ATP8B4: variants seen among roughly 807,000 people sequenced by gnomAD.
ATP8B4 encodes probable phospholipid-transporting ATPase IM.
ATP8B4 carries 133 observed loss-of-function variants against 145.6 expected under a neutral mutation model. The observed-to-expected ratio is 0.91, with a 90% CI of 0.79 to 1.05. The LOEUF (loss-of-function observed/expected upper bound fraction) is 1.05. Ranked by LOEUF, ATP8B4 falls within the 50% of genes least tolerant of loss-of-function variation. ATP8B4 has a pLI of 0.00. For missense variants in ATP8B4, 1,458 were observed against 1,425.2 expected, an observed-to-expected ratio of 1.02 and a Z score of -0.37; for synonymous variants, 507 against 492.9, an observed-to-expected ratio of 1.03 and a Z score of -0.38.
chr15:50,032,013 G>C (rs190955145), intron 6 of ATP8B4, among the ~76,000 whole-genome samples: 3 of 152,128 alleles, frequency 2.0e-5, no homozygotes, highest in East Asian at 1.9e-4. Context: ...TATACTTTTT[G>C]ATTCAACAAA....
At chr15:50,148,751 C>T (rs967740553) in intron 1 of ATP8B4, among the ~76,000 whole-genome samples, 10 of 151,948 alleles carry the variant, frequency 6.6e-5, no homozygotes, top group East Asian at 1.9e-4. Context: ...TGAAGTAATT[C>T]GAAAACTGAA....
At chr15:50,119,274 A>T (rs1413941334), upstream of ATP8B4, 1 of 152,248 alleles carries the variant, frequency 6.6e-6, no homozygotes, top group African/African-American at 2.4e-5. Context: ...CTGGGTCTCT[A>T]GGGGGCATTC....
At chr15:50,046,291 CT>C (rs1376216695) in intron 4 of ATP8B4, among the ~76,000 whole-genome samples, 1 of 152,162 alleles carries the variant, frequency 6.6e-6, no homozygotes, top group Non-Finnish European at 1.5e-5. Flanking sequence ...CTCTCTCCCC[CT>C]CCCCCTCTCT....
intron 20 of ATP8B4, chr15:49,901,827 G>A: frequency 2.3e-6 from 1 of 426,714 alleles, no homozygotes; most frequent in South Asian, 1.7e-5. Context: ...AACATTTTAA[G>A]CAAAAATTGT....
intron 3 of ATP8B4, among the ~76,000 whole-genome samples, chr15:50,049,714 G>A (rs563573914): frequency 6.6e-6 from 1 of 152,258 alleles, no homozygotes; most frequent in South Asian, 2.1e-4. Flanking sequence ...TAGGTTCTTT[G>A]AGGAATTGCC....
At chr15:50,044,052 G>A (rs961798279) in intron 5 of ATP8B4, among the ~76,000 whole-genome samples, 2 of 152,024 alleles carry the variant, frequency 1.3e-5, no homozygotes. Flanking sequence ...AAGGCTTCTG[G>A]CCAACAATAG....
rs972732517 is a variant in ATP8B4 at position 49,864,908 on chromosome 15, C to T, written c.3166+1438G>A. Among the ~76,000 whole-genome samples, 4 of 152,252 alleles carry T rather than the reference C, an allele frequency of 2.6e-5. No individual in the cohort carries two copies. The East Asian group carries it at 7.7e-4, about 29-fold the overall frequency. The stretch of plus-strand genomic sequence containing the variant: ...CAGTTTATAAGTGAAGACATTAATG[C>T]ATAGTATAATATTGTGAGCTGTATG... On this transcript the variant is annotated intron_variant, in intron 26 of 27. Transcript: ENST00000284509.
intron 26 of ATP8B4, among the ~76,000 whole-genome samples, chr15:49,862,783 A>G (rs1319367311): frequency 2.0e-5 from 3 of 152,258 alleles, no homozygotes; most frequent in South Asian, 2.1e-4. Context: ...TGAGATTTGG[A>G]TCACCTAATG....
chr15:49,918,903 A>C lies in ATP8B4; in HGVS notation c.1971T>G (p.Ile657Met), dbSNP rs1394473892. Residue 657 changes from isoleucine to methionine, a missense_variant, in exon 19 of 28, where the codon ATT becomes ATG. By Grantham distance (10) the Ile-to-Met change is conservative. Transcript: ENST00000284509. ...AVEDKLQEGV[I>M]ETVTSLSLAN... The stretch of plus-strand genomic sequence containing the variant: ...CTAGTGATAAACTTGTAACTGTTTC[A>C]ATAACACCCTCCTGTAACTTATCTT... 1.2e-5 allele frequency: 19 copies of C among 1,613,816 alleles called. No individual in the cohort carries two copies. The highest frequency in any genetic ancestry group is 1.6e-5 in the Non-Finnish European group (19 of 1,179,820).
chr15:50,172,511 C>T (rs111645202), intron 1 of ATP8B4, among the ~76,000 whole-genome samples: 13,750 of 152,288 alleles, frequency 0.09, 830 homozygotes, highest in African/African-American at 0.16. Flanking sequence ...ACCTCCCAGC[C>T]GCCTGCCTTG....
At chr15:50,087,031 AAAT>A (rs1355910625) in intron 2 of ATP8B4, among the ~76,000 whole-genome samples, 1 of 118,328 alleles carries the variant, frequency 8.5e-6, no homozygotes, top group Non-Finnish European at 1.6e-5. Context: ...ATATATAATA[AAAT>A]AATATAGAGA....
At chr15:49,910,902 G>T (rs2039157286) in intron 20 of ATP8B4, among the ~76,000 whole-genome samples, 1 of 151,976 alleles carries the variant, frequency 6.6e-6, no homozygotes. Context: ...AAATAATTGA[G>T]GGAATCCTAA....
intron 1 of ATP8B4, among the ~76,000 whole-genome samples, chr15:50,154,502 T>G (rs2044387807): frequency 6.6e-6 from 1 of 152,182 alleles, no homozygotes; most frequent in Admixed American, 6.5e-5. Flanking sequence ...AATCAGCAAT[T>G]TAACTAGGAG....
chr15:50,021,229 T>C (rs1311674886), intron 6 of ATP8B4, among the ~76,000 whole-genome samples: 1 of 152,196 alleles, frequency 6.6e-6, no homozygotes, highest in Non-Finnish European at 1.5e-5. Flanking sequence ...ATCATCATCA[T>C]ACCTGGACAA....
chr15:50,080,244 C>G (rs1376158983), intron 2 of ATP8B4, among the ~76,000 whole-genome samples: 6 of 152,132 alleles, frequency 3.9e-5, no homozygotes, highest in Admixed American at 3.9e-4. Context: ...GTCTTTGAGC[C>G]ATGTACTTCC....
intron 10 of ATP8B4, among the ~76,000 whole-genome samples, chr15:49,985,317 C>T (rs554101088): frequency 1.3e-5 from 2 of 152,194 alleles, no homozygotes; most frequent in Admixed American, 6.5e-5. Context: ...AGGATGGTCT[C>T]AATCTCCTGA....
intron 1 of ATP8B4, among the ~76,000 whole-genome samples, chr15:50,143,378 A>G (rs1291314421): frequency 2.0e-5 from 3 of 152,222 alleles, no homozygotes; most frequent in Admixed American, 6.5e-5. Context: ...CATGGTGGGC[A>G]CATTGGTGCT....
At chr15:50,094,714 A>G (rs1250167848) in intron 2 of ATP8B4, among the ~76,000 whole-genome samples, 1 of 19,168 alleles carries the variant, frequency 5.2e-5, no homozygotes, top group Non-Finnish European at 2.7e-4. Flanking sequence ...ATATACTACT[A>G]TATATATATA....
At chr15:50,169,483 G>C (rs1301655852) in intron 1 of ATP8B4, among the ~76,000 whole-genome samples, 4 of 152,196 alleles carry the variant, frequency 2.6e-5, no homozygotes, top group African/African-American at 9.7e-5. Flanking sequence ...AAAGGGGAGA[G>C]TACTATATCA....
Sources: gnomAD v4.1 joint callset for allele counts (sites outside exome capture counted in the v4.1 genomes callset) on GRCh38, gnomAD v4.1.1 for gene constraint, MANE v1.5 for transcripts, NCBI Gene and HGNC (gene_info 2026-07-23, HGNC 2026-07-21) for gene names.